The following HELLS variants were observed in gnomAD, a reference collection of about 807,000 sequenced individuals.
HELLS encodes the protein lymphoid-specific helicase.
In HELLS, 32 loss-of-function variants were observed where a neutral mutation model predicts 120.0. The observed-to-expected ratio is 0.27, with a 90% CI of 0.20 to 0.36. The LOEUF is 0.36. Among genes scored for constraint, HELLS ranks in the 10% least tolerant of loss-of-function variants. HELLS has a pLI of 1.00. For missense variants in HELLS, 650 were observed against 993.4 expected (o/e 0.65, Z 4.65); for synonymous variants, 341 against 323.4 (o/e 1.05, Z -0.58).
At chr10:94,555,268 C>T (rs1008835546) in intron 3 of HELLS, among the ~76,000 whole-genome samples, 5 of 152,096 alleles carry the variant, frequency 3.3e-5, no homozygotes, top group African/African-American at 9.7e-5. Context: ...GAAAACCCGT[C>T]TCTACCAAAA....
intron 2 of HELLS, among the ~76,000 whole-genome samples, chr10:94,548,614 A>G (rs968173968): frequency 6.6e-6 from 1 of 152,204 alleles, no homozygotes; most frequent in Admixed American, 6.5e-5. Context: ...TTATGAACAA[A>G]CATTTTGCAG....
At chr10:94,604,123 G>GC (rs1846099927), downstream of HELLS, among the ~76,000 whole-genome samples, 2 of 136,310 alleles carry the variant, frequency 1.5e-5, no homozygotes, top group African/African-American at 5.3e-5. Flanking sequence ...ACCACATCTG[G>GC]CTTTTTTTTT....
chr10:94,604,932 C>T (rs528801645), downstream of HELLS, among the ~76,000 whole-genome samples: 2 of 151,898 alleles, frequency 1.3e-5, no homozygotes, highest in Non-Finnish European at 2.9e-5. Context: ...CAAATATATC[C>T]CATCACCTCT....
At chr10:94,611,528 T>C (rs1846193939) in exon 10 of HELLS, 1 of 152,170 alleles carries the variant, frequency 6.6e-6, no homozygotes, top group Admixed American at 6.5e-5. Context: ...TAGAATCATT[T>C]TACTGTGCTT....
chr10:94,610,335 A>C (rs1478785870), exon 10 of HELLS: 1 of 152,070 alleles, frequency 6.6e-6, no homozygotes, highest in Non-Finnish European at 1.5e-5. Context: ...TGGTGCCTGT[A>C]ATCCCAGCAG....
Position 94,601,537 on chromosome 10 carries a change from A to G in HELLS, c.2432A>G (p.Asn811Ser). Reference sequence around the variant, plus strand: ...AATGTTTTTCCCTTAGATCAAATGAATGCTTCAGGACCAATTAAAGAGAAG... The same window carrying G: ...AATGTTTTTCCCTTAGATCAAATGAGTGCTTCAGGACCAATTAAAGAGAAG... Reference protein sequence around the residue: ...LDRSDLIDQMNASGPIKEKMG... With the variant: ...LDRSDLIDQMSASGPIKEKMG... Residue 811 changes from asparagine (N) to serine (S), a missense_variant, in exon 22 of 22, where the codon AAT becomes AGT. Asn to Ser is a conservative substitution (Grantham distance 46). This residue lies in a region of HELLS where 90 missense variants were observed against 109.2 expected (regional missense o/e 0.82). Coordinates refer to ENST00000348459, the MANE Select transcript of HELLS (RefSeq NM_018063.5). 6.6e-7 allele frequency: 1 copy of G among 1,526,338 alleles called. No homozygotes were observed. Among genetic ancestry groups the G allele is most frequent in the Non-Finnish European group, 9.0e-7 (1 of 1,107,746 alleles). The allele number at this position is 1,526,338 out of a possible 1,614,324, so 94.5% of individuals were successfully genotyped here.
chr10:94,608,792 A>AT (rs1846156496), intron 9 of HELLS, among the ~76,000 whole-genome samples: 2 of 151,832 alleles, frequency 1.3e-5, no homozygotes, highest in Admixed American at 6.6e-5. Flanking sequence ...TAATTTTTAA[A>AT]TTTTTTTGTA....
rs754331856 is a variant in HELLS at position 94,554,106 on chromosome 10, G to A, written c.154-20G>A. 2.6e-6 allele frequency: 4 copies of A among 1,527,782 alleles called. No individual in the cohort carries two copies. Among genetic ancestry groups the A allele is most frequent in the Middle Eastern group, 1.7e-4 (1 of 5,848 alleles). The allele number at this position is 1,527,782 out of a possible 1,614,324, so 94.6% of individuals were successfully genotyped here. A position where few individuals can be genotyped will look rare whatever the true frequency, so the allele number is the denominator to read the frequency against. On this transcript the variant is annotated intron_variant, in intron 2 of 21. Transcript: ENST00000348459. ...ATGTCAGAAAGTGTTCATAATTATG[G>A]AAATTTTCTCTTTGGATAGGCTCGC...
chr10:94,584,626 T>C (rs1223936574), intron 12 of HELLS, among the ~76,000 whole-genome samples: 2 of 152,120 alleles, frequency 1.3e-5, no homozygotes. Flanking sequence ...TTTATAGAAT[T>C]TGTCACTTAC....
intron 6 of HELLS, chr10:94,569,376 G>A (rs1007005320): frequency 2.0e-5 from 3 of 151,764 alleles, no homozygotes; most frequent in African/African-American, 7.3e-5. Context: ...TAGAGACAGG[G>A]TTTCACCATG....
chr10:94,607,840 G>T, intron 8 of HELLS: 1 of 312,010 alleles, frequency 3.2e-6, no homozygotes, highest in South Asian at 2.5e-5. Flanking sequence ...CGATTCTCCT[G>T]CATCAGCCTC....
intron 2 of HELLS, 136 bp from the exon 3 acceptor site, chr10:94,553,990 T>G: frequency 1.4e-6 from 1 of 720,368 alleles, no homozygotes; most frequent in Non-Finnish European, 2.3e-6. Context: ...TTTTAACAGT[T>G]ATTTGTTCCA....
Position 94,607,567 on chromosome 10 carries a change from T to G in HELLS, c.818-343T>G, listed in dbSNP as rs556493182. The stretch of plus-strand genomic sequence containing the variant: ...TATAAAAAATACTTTTTGGCTTTAT[T>G]TCTTTAGTGAGTCACTATTCCATAT... On this transcript the variant is annotated intron_variant, in intron 8 of 9. Transcript: ENST00000371327. 2.6e-3 allele frequency among the ~76,000 whole-genome samples: 403 copies of G among 152,320 alleles called. 2 individuals carry two copies. The highest frequency in any genetic ancestry group is 9.3e-3 in the African/African-American group (388 of 41,562).
chr10:94,591,428 G>A (rs1589758036), intron 15 of HELLS, among the ~76,000 whole-genome samples: 1 of 152,286 alleles, frequency 6.6e-6, no homozygotes, highest in East Asian at 1.9e-4. Flanking sequence ...AATATCAATA[G>A]AAATAAATTC....
At chr10:94,597,132 TA>T in intron 21 of HELLS, 21 bp downstream of exon 21, 1 of 1,395,530 alleles carries the variant, frequency 7.2e-7, no homozygotes, top group Non-Finnish European at 1.0e-6. Context: ...TGCTTTTTTT[TA>T]ATGGAAGCTT....
chr10:94,588,159 TGGGGACAGTATTCC>T, intron 12 of HELLS, 56 bp from the exon 13 acceptor site: 1 of 835,674 alleles, frequency 1.2e-6, no homozygotes, highest in Non-Finnish European at 1.9e-6. Flanking sequence ...AAGGAGTATA[TGGGGACAGTATTCC>T]TTGAAAAACA....
intron 12 of HELLS, among the ~76,000 whole-genome samples, chr10:94,584,367 C>T (rs1413928837): frequency 2.0e-5 from 3 of 151,956 alleles, no homozygotes; most frequent in Admixed American, 6.6e-5. Flanking sequence ...TGTGCACAAG[C>T]GTGTGTGTTT....
intron 6 of HELLS, among the ~76,000 whole-genome samples, chr10:94,566,920 G>A (rs988763738): frequency 6.6e-6 from 1 of 152,122 alleles, no homozygotes; most frequent in Admixed American, 6.6e-5. Flanking sequence ...CTTCCAAAGT[G>A]CTGGGATTAC....
chr10:94,559,069 C>G (rs902416711), intron 4 of HELLS, among the ~76,000 whole-genome samples: 1 of 152,150 alleles, frequency 6.6e-6, no homozygotes, highest in African/African-American at 2.4e-5. Flanking sequence ...AGTCAAGATT[C>G]CTGACACCGT....
Sources: gnomAD v4.1 joint callset for allele counts (sites outside exome capture counted in the v4.1 genomes callset) on GRCh38, gnomAD v4.1.1 for gene constraint, gnomAD v4.1.1 regional missense constraint, MANE v1.5 for transcripts, NCBI Gene and HGNC (gene_info 2026-07-23, HGNC 2026-07-21) for gene names.